ZRANB3: variants seen among roughly 807,000 people sequenced by gnomAD.
The protein encoded by ZRANB3 is zinc finger RANBP2-type containing 3.
ZRANB3 carries 125 observed loss-of-function variants against 133.8 expected under a neutral mutation model. That is an observed-to-expected ratio of 0.93 (90% CI 0.81 to 1.08). ZRANB3 has a LOEUF of 1.08. Ranked by LOEUF, ZRANB3 falls within the 50% of genes least tolerant of loss-of-function variation. The probability of loss-of-function intolerance (pLI) is 0.00; values close to 1 mark genes in which losing one functional copy is unlikely to be tolerated. For missense variants in ZRANB3, 1,229 were observed against 1,275.5 expected, an observed-to-expected ratio of 0.96 and a Z score of 0.56; for synonymous variants, 387 against 432.7, an observed-to-expected ratio of 0.89 and a Z score of 1.31.
intron 19 of ZRANB3, among the ~76,000 whole-genome samples, chr2:135,204,204 T>G (rs746529638): frequency 2.6e-5 from 4 of 152,208 alleles, no homozygotes; most frequent in Non-Finnish European, 5.9e-5. Flanking sequence ...CTGCCTTACC[T>G]TCTCTTCTGT....
chr2:135,383,610 A>C (rs1686825796), intron 3 of ZRANB3, among the ~76,000 whole-genome samples: 1 of 152,210 alleles, frequency 6.6e-6, no homozygotes, highest in Admixed American at 6.5e-5. Flanking sequence ...AGTACTCCTC[A>C]GCAAATGTAA....
At chr2:135,252,230 A>G (rs1261162690) in intron 12 of ZRANB3, among the ~76,000 whole-genome samples, 1 of 152,156 alleles carries the variant, frequency 6.6e-6, no homozygotes, top group Admixed American at 6.5e-5. Context: ...AGCAAAAAAG[A>G]TAACTATTGG....
intron 2 of ZRANB3, among the ~76,000 whole-genome samples, chr2:135,435,799 G>A (rs1203226974): frequency 1.3e-5 from 2 of 152,154 alleles, no homozygotes; most frequent in African/African-American, 2.4e-5. Context: ...TTTGAGAAGT[G>A]TCTGTTCATG....
chr2:135,224,885 G>A (rs867263956), intron 14 of ZRANB3, among the ~76,000 whole-genome samples: 3 of 152,128 alleles, frequency 2.0e-5, no homozygotes, highest in Non-Finnish European at 2.9e-5. Flanking sequence ...ATTTGAGACC[G>A]AATGAGCATC....
At chr2:135,358,432 C>T (rs1257948369) in intron 3 of ZRANB3, among the ~76,000 whole-genome samples, 1 of 151,992 alleles carries the variant, frequency 6.6e-6, no homozygotes, top group African/African-American at 2.4e-5. Flanking sequence ...ATTGAATATT[C>T]GGTGATGAAT....
rs532700184 is a variant in ZRANB3, at chr2:135,199,532, C to T, written c.*810G>A. On this transcript the variant is annotated 3_prime_UTR_variant, in exon 21 of 21. Coordinates refer to ENST00000264159, the MANE Select transcript of ZRANB3 (RefSeq NM_032143.4). ...AGGATGGTCTCGATCTATCTCCTGA[C>T]CTCATGATCCACCCGCTTTGGCCTC... 6.6e-6 allele frequency: 1 copy of T among 152,322 alleles called. No individual in the cohort carries two copies. Among genetic ancestry groups the T allele is most frequent in the South Asian group, 2.1e-4 (1 of 4,824 alleles). The allele number at this position is 152,322 out of a possible 1,614,324, so 9.4% of individuals were successfully genotyped here.
chr2:135,305,871 C>CT (rs755525895), intron 8 of ZRANB3, among the ~76,000 whole-genome samples: 10 of 151,286 alleles, frequency 6.6e-5, no homozygotes, highest in Admixed American at 1.3e-4. Flanking sequence ...TGGCTGAAAG[C>CT]TTTTTTTTTC....
chr2:135,485,720 T>G (rs1692086917), intron 2 of ZRANB3, among the ~76,000 whole-genome samples: 1 of 152,232 alleles, frequency 6.6e-6, no homozygotes, highest in Non-Finnish European at 1.5e-5. Flanking sequence ...TGTTTCACAG[T>G]GTATATTAAA....
intron 9 of ZRANB3, among the ~76,000 whole-genome samples, chr2:135,274,360 C>T (rs1393733573): frequency 2.0e-5 from 3 of 152,170 alleles, no homozygotes; most frequent in African/African-American, 7.2e-5. Context: ...TTTTAGTAAT[C>T]ATTTTCCATA....
chr2:135,467,478 A>G (rs1233575761), intron 2 of ZRANB3, among the ~76,000 whole-genome samples: 1 of 152,218 alleles, frequency 6.6e-6, no homozygotes, highest in Non-Finnish European at 1.5e-5. Flanking sequence ...CTTCATCTGT[A>G]CTATGCCCAT....
Position 135,474,017 on chromosome 2 carries a change from T to A in ZRANB3, c.161+30312A>T, listed in dbSNP as rs1325256314. Among the ~76,000 whole-genome samples the A allele has an allele frequency of 7.2e-5, 11 of 152,170 alleles. No homozygotes were observed. In the South Asian group the frequency reaches 1.0e-3, roughly 14 times the overall value. Reference sequence around the variant, plus strand: ...CTGTGCAACACAGTGAAACCCTGTCTCTACCAAAAACAAAAATACGAAAAA... The same window carrying A: ...CTGTGCAACACAGTGAAACCCTGTCACTACCAAAAACAAAAATACGAAAAA... On this transcript the variant is annotated intron_variant, in intron 2 of 20. Coordinates refer to ENST00000264159, the MANE Select transcript of ZRANB3 (RefSeq NM_032143.4).
chr2:135,456,065 G>A (rs958203438), intron 2 of ZRANB3, among the ~76,000 whole-genome samples: 18 of 152,088 alleles, frequency 1.2e-4, no homozygotes, highest in Admixed American at 4.6e-4. Flanking sequence ...TACTGGCTTT[G>A]GAGATTTTTC....
At chr2:135,201,185 T>C (rs759275831) in intron 20 of ZRANB3, among the ~76,000 whole-genome samples, 1 of 152,190 alleles carries the variant, frequency 6.6e-6, no homozygotes, top group Non-Finnish European at 1.5e-5. Context: ...ATAACATTTT[T>C]CATGAGAATC....
At chr2:135,408,864 T>C (rs950068247) in intron 2 of ZRANB3, among the ~76,000 whole-genome samples, 1 of 152,056 alleles carries the variant, frequency 6.6e-6, no homozygotes, top group African/African-American at 2.4e-5. Context: ...TTTGGAGATA[T>C]ATCTAATGTT....
intron 3 of ZRANB3, among the ~76,000 whole-genome samples, chr2:135,373,523 C>T (rs1686275726): frequency 6.6e-6 from 1 of 152,110 alleles, no homozygotes; most frequent in African/African-American, 2.4e-5. Context: ...TGCAGTGGCT[C>T]ACACCTGTAA....
chr2:135,470,117 G>A (rs921444420), intron 2 of ZRANB3, among the ~76,000 whole-genome samples: 4 of 150,390 alleles, frequency 2.7e-5, no homozygotes, highest in African/African-American at 9.8e-5. Context: ...CTGAGGTCAG[G>A]AGTTTAAGAC....
intron 3 of ZRANB3, among the ~76,000 whole-genome samples, chr2:135,363,923 A>G (rs1054817525): frequency 1.3e-5 from 2 of 152,158 alleles, no homozygotes; most frequent in Non-Finnish European, 2.9e-5. Flanking sequence ...CAAAAAATAC[A>G]AAAATTTGCT....
chr2:135,433,654 C>T (rs1190056238), intron 2 of ZRANB3, among the ~76,000 whole-genome samples: 4 of 151,890 alleles, frequency 2.6e-5, no homozygotes, highest in African/African-American at 9.7e-5. Context: ...GAATTCGAGA[C>T]CAGTCTGGCC....
chr2:135,219,242 AT>A (rs1694437477), intron 15 of ZRANB3, 64 bp from the exon 16 acceptor site: 6 of 1,033,134 alleles, frequency 5.8e-6, no homozygotes, highest in Non-Finnish European at 8.3e-6. Flanking sequence ...ACTATTTTAA[AT>A]GAAAATAATT....
Sources: allele counts gnomAD v4.1 joint callset (sites outside exome capture counted in the v4.1 genomes callset), GRCh38; gene constraint gnomAD v4.1.1; transcripts MANE v1.5; gene names NCBI Gene and HGNC (gene_info 2026-07-23, HGNC 2026-07-21).